ATP10A: variants seen among roughly 807,000 people sequenced by gnomAD.
ATP10A encodes the protein phospholipid-transporting ATPase VA.
In ATP10A, 111 loss-of-function variants were observed where a neutral mutation model predicts 147.8. That is an observed-to-expected ratio of 0.75 (90% CI 0.64 to 0.88). ATP10A has a LOEUF of 0.88. ATP10A is among the 40% of genes least tolerant of loss of function. The pLI is 0.00. For missense variants in ATP10A, 1,927 were observed against 1,959.0 expected, an observed-to-expected ratio of 0.98 and a Z score of 0.31; for synonymous variants, 875 against 841.6, an observed-to-expected ratio of 1.04 and a Z score of -0.69.
intron 1 of ATP10A, chr15:25,862,226 G>T (rs1000053637): frequency 8.6e-6 from 4 of 466,326 alleles, no homozygotes; most frequent in African/African-American, 7.9e-5. Context: ...GAGCTTTACT[G>T]TCCTGTGCCG....
At chr15:25,711,447 G>A (rs533199881) in intron 10 of ATP10A, among the ~76,000 whole-genome samples, 7 of 152,200 alleles carry the variant, frequency 4.6e-5, no homozygotes, top group African/African-American at 1.7e-4. Flanking sequence ...AAGGGCAGGC[G>A]GTCACAGGTG....
intron 17 of ATP10A, among the ~76,000 whole-genome samples, chr15:25,682,541 C>G (rs1181772601): frequency 6.6e-6 from 1 of 152,118 alleles, no homozygotes; most frequent in Non-Finnish European, 1.5e-5. Context: ...CGTCTTTGTC[C>G]CACAGGTGGC....
chr15:25,781,302 A>G, intron 1 of ATP10A, 79 bp from the exon 2 acceptor site: 1 of 1,211,268 alleles, frequency 8.3e-7, no homozygotes, highest in Non-Finnish European at 1.2e-6. Context: ...CGTGGGGCTC[A>G]TATGGCAATT....
intron 5 of ATP10A, among the ~76,000 whole-genome samples, chr15:25,725,727 C>T (rs996391450): frequency 6.6e-5 from 10 of 152,040 alleles, no homozygotes; most frequent in African/African-American, 1.7e-4. Context: ...CTCCCCCTCC[C>T]GGGTTCAAGC....
intron 12 of ATP10A, among the ~76,000 whole-genome samples, chr15:25,706,230 C>T (rs140137492): frequency 6.6e-6 from 1 of 152,274 alleles, no homozygotes; most frequent in South Asian, 2.1e-4. Flanking sequence ...GATATGTTAA[C>T]AGAGCTGCAG....
chr15:25,674,513 C>T (rs1169183236), downstream of ATP10A, among the ~76,000 whole-genome samples: 3 of 152,150 alleles, frequency 2.0e-5, no homozygotes, highest in African/African-American at 7.2e-5. Flanking sequence ...CTGGCCAGGC[C>T]TCTTTAAAAT....
intron 12 of ATP10A, among the ~76,000 whole-genome samples, chr15:25,706,510 G>A (rs1901028357): frequency 6.6e-6 from 1 of 152,318 alleles, no homozygotes; most frequent in East Asian, 1.9e-4. Flanking sequence ...CGATCAGCCT[G>A]CATGACCAGC....
Position 25,740,352 on chromosome 15 carries a change from C to T in ATP10A, c.655-4211G>A, listed in dbSNP as rs554618419. On this transcript the variant is annotated intron_variant, in intron 2 of 20. Coordinates refer to ENST00000555815, the MANE Select transcript of ATP10A (RefSeq NM_024490.4). ...CACACTTGGGTCATCTGCAGGTCTGCTGCCAGCAGGGACCCTGCCTAACGC... is the reference window on the plus strand; with the variant it reads ...CACACTTGGGTCATCTGCAGGTCTGTTGCCAGCAGGGACCCTGCCTAACGC... Among the ~76,000 whole-genome samples the T allele has an allele frequency of 4.5e-4, 68 of 152,354 alleles. 1 individual carries two copies. The highest frequency in any genetic ancestry group is 1.6e-3 in the African/African-American group (67 of 41,588).
chr15:25,732,845 G>T (rs563523599), intron 3 of ATP10A, among the ~76,000 whole-genome samples: 1 of 151,876 alleles, frequency 6.6e-6, no homozygotes, highest in Non-Finnish European at 1.5e-5. Flanking sequence ...GTGAGCCACC[G>T]CGCCCGGCCA....
At chr15:25,751,332 A>G (rs776583470) in intron 2 of ATP10A, among the ~76,000 whole-genome samples, 1 of 152,158 alleles carries the variant, frequency 6.6e-6, no homozygotes. Flanking sequence ...GAGGTTCAGT[A>G]GCCCTTTACA....
chr15:25,738,481 G>A (rs1206500916), intron 2 of ATP10A: 1 of 152,178 alleles, frequency 6.6e-6, no homozygotes, highest in East Asian at 1.9e-4. Flanking sequence ...TCTGTGTTAT[G>A]CATATTTTGC....
At chr15:25,681,196 C>A in intron 17 of ATP10A, 122 bp from the exon 18 acceptor site, 2 of 906,840 alleles carry the variant, frequency 2.2e-6, no homozygotes, top group Non-Finnish European at 3.4e-6. Context: ...AAAACCCACC[C>A]TGAGGAGTAG....
chr15:25,732,482 C>G (rs1306590389), intron 3 of ATP10A, among the ~76,000 whole-genome samples: 1 of 151,918 alleles, frequency 6.6e-6, no homozygotes, highest in Non-Finnish European at 1.5e-5. Context: ...TTCCACACCC[C>G]CAAACCCTGG....
chr15:25,702,703 T>C (rs573105193), intron 12 of ATP10A, among the ~76,000 whole-genome samples: 1 of 152,152 alleles, frequency 6.6e-6, no homozygotes, highest in East Asian at 1.9e-4. Context: ...TCTCAGTATG[T>C]TGGGAAAAAT....
chr15:25,771,996 C>T (rs1889361893), intron 2 of ATP10A, among the ~76,000 whole-genome samples: 2 of 152,260 alleles, frequency 1.3e-5, no homozygotes, highest in South Asian at 4.1e-4. Flanking sequence ...AGGTGATCCA[C>T]CTGCCTCAGC....
intron 1 of ATP10A, among the ~76,000 whole-genome samples, chr15:25,843,542 T>C (rs1353891374): frequency 6.6e-6 from 1 of 152,026 alleles, no homozygotes; most frequent in African/African-American, 2.4e-5. Context: ...ATCATTTGCA[T>C]CCCGCATCAC....
At chr15:25,852,368 G>A (rs1377880525) in intron 1 of ATP10A, among the ~76,000 whole-genome samples, 1 of 152,192 alleles carries the variant, frequency 6.6e-6, no homozygotes, top group East Asian at 1.9e-4. Context: ...GGGATGAAGA[G>A]AAATGCATTC....
intron 1 of ATP10A, among the ~76,000 whole-genome samples, chr15:25,804,120 GGTGT>G (rs1416868097): frequency 1.5e-5 from 2 of 135,194 alleles, no homozygotes; most frequent in South Asian, 2.5e-4. Flanking sequence ...GTGAGTGTGC[GGTGT>G]GTGTGTGAGG....
chr15:25,846,111 C>G (rs142725166), intron 1 of ATP10A, among the ~76,000 whole-genome samples: 1 of 152,080 alleles, frequency 6.6e-6, no homozygotes, highest in Non-Finnish European at 1.5e-5. Flanking sequence ...CAGTCCACTT[C>G]GTAGAGGCTG....
Sources: allele counts gnomAD v4.1 joint callset (sites outside exome capture counted in the v4.1 genomes callset), GRCh38; gene constraint gnomAD v4.1.1; transcripts MANE v1.5; gene names NCBI Gene and HGNC (gene_info 2026-07-23, HGNC 2026-07-21).